CALN1: variants seen among roughly 807,000 people sequenced by gnomAD.
The protein encoded by CALN1 is calneuron 1.
CALN1 carries 17 observed loss-of-function variants against 30.6 expected under a neutral mutation model. The ratio of observed to expected loss-of-function variants is 0.56; its 90% CI spans 0.38 to 0.83. The LOEUF is 0.83. Among genes scored for constraint, CALN1 ranks in the 40% least tolerant of loss-of-function variants. The pLI is 0.00. For missense variants in CALN1, 291 were observed against 354.9 expected, an observed-to-expected ratio of 0.82 and a Z score of 1.45; for synonymous variants, 156 against 131.4, an observed-to-expected ratio of 1.19 and a Z score of -1.28.
intron 2 of CALN1, among the ~76,000 whole-genome samples, chr7:72,363,789 C>T (rs1489959872): frequency 7.1e-6 from 1 of 140,944 alleles, no homozygotes; most frequent in African/African-American, 2.7e-5. Flanking sequence ...TGCAGTGGCA[C>T]AATCTCGGGC....
chr7:71,977,932 TAA>T (rs59155068), intron 5 of CALN1, among the ~76,000 whole-genome samples: 2,168 of 118,632 alleles, frequency 0.018, 47 homozygotes, highest in African/African-American at 0.058. Context: ...ACTCTGTCTT[TAA>T]AAAAAAAAAA....
At chr7:72,469,226 T>G in the CALN1 span, among the ~76,000 whole-genome samples, 1 of 152,110 alleles carries the variant, frequency 6.6e-6, no homozygotes, top group Admixed American at 6.6e-5. Context: ...ATTTGGAGTT[T>G]TCTTGTTTGT....
At chr7:72,220,801 G>A (rs1408807677) in intron 3 of CALN1, among the ~76,000 whole-genome samples, 2 of 152,184 alleles carry the variant, frequency 1.3e-5, no homozygotes, top group African/African-American at 2.4e-5. Context: ...CAGTGATGAT[G>A]AGCATTTTTT....
chr7:72,473,941 A>G, the CALN1 span, among the ~76,000 whole-genome samples: 2 of 149,830 alleles, frequency 1.3e-5, no homozygotes, highest in Non-Finnish European at 3.0e-5. Context: ...AAAAAAAAAA[A>G]AGAAAGAAAG....
chr7:72,453,993 A>AATATATATAT, the CALN1 span, among the ~76,000 whole-genome samples: 1 of 148,138 alleles, frequency 6.8e-6, no homozygotes, highest in African/African-American at 2.5e-5. Context: ...ACAACCAAAA[A>AATATATATAT]ATATATATAT....
chr7:71,806,121 G>C (rs1787595071), intron 6 of CALN1, among the ~76,000 whole-genome samples: 1 of 152,118 alleles, frequency 6.6e-6, no homozygotes, highest in Non-Finnish European at 1.5e-5. Flanking sequence ...CGTAGGTAAT[G>C]GGTTGATAGG....
At chr7:72,370,408 A>G (rs1473216086) in intron 2 of CALN1, among the ~76,000 whole-genome samples, 8 of 152,122 alleles carry the variant, frequency 5.3e-5, no homozygotes, top group African/African-American at 7.2e-5. Flanking sequence ...CATGTGATTG[A>G]CTTTGGGAGG....
chr7:72,398,425 G>A (rs973343137), intron 2 of CALN1, among the ~76,000 whole-genome samples: 20 of 152,178 alleles, frequency 1.3e-4, no homozygotes, highest in East Asian at 3.9e-4. Flanking sequence ...TTCAAAATAC[G>A]AAAAAACACT....
intron 3 of CALN1, among the ~76,000 whole-genome samples, chr7:72,222,196 A>G (rs1275254331): frequency 6.6e-6 from 1 of 152,028 alleles, no homozygotes; most frequent in Non-Finnish European, 1.5e-5. Flanking sequence ...CCTGCGCTCC[A>G]GTCTGGGTAA....
At chr7:71,951,462 G>A (rs867013016) in intron 5 of CALN1, among the ~76,000 whole-genome samples, 26 of 152,076 alleles carry the variant, frequency 1.7e-4, no homozygotes, top group African/African-American at 4.8e-4. Context: ...ATGATGGTGC[G>A]TGCCCGTAAT....
chr7:72,344,533 G>A (rs916173506), intron 2 of CALN1, among the ~76,000 whole-genome samples: 1 of 148,220 alleles, frequency 6.7e-6, no homozygotes, highest in Non-Finnish European at 1.5e-5. Flanking sequence ...TAACTCTGGA[G>A]AACAAGTATT....
intron 5 of CALN1, among the ~76,000 whole-genome samples, chr7:71,922,639 CAG>C (rs1479086837): frequency 2.2e-5 from 3 of 133,454 alleles, no homozygotes; most frequent in South Asian, 2.2e-4. Flanking sequence ...AAATATATAA[CAG>C]AATATATTAT....
At chr7:72,020,747 A>G (rs1800656893) in intron 5 of CALN1, among the ~76,000 whole-genome samples, 1 of 152,228 alleles carries the variant, frequency 6.6e-6, no homozygotes, top group Non-Finnish European at 1.5e-5. Context: ...TGAGCATTAT[A>G]GCATGTCTGA....
chr7:71,951,802 G>A (rs1268979194), intron 5 of CALN1, among the ~76,000 whole-genome samples: 1 of 152,108 alleles, frequency 6.6e-6, no homozygotes. Context: ...GGCTGGTTCT[G>A]GTTGGCTCAC....
At chr7:72,318,342 T>C (rs1054096056) in intron 2 of CALN1, among the ~76,000 whole-genome samples, 2 of 152,168 alleles carry the variant, frequency 1.3e-5, no homozygotes, top group Admixed American at 1.3e-4. Flanking sequence ...ACCTCTCCAA[T>C]AGTGTCTCAA....
chr7:71,833,052 T>G (rs1396422399), intron 5 of CALN1, among the ~76,000 whole-genome samples: 4 of 152,236 alleles, frequency 2.6e-5, no homozygotes, highest in Admixed American at 6.5e-5. Context: ...CTAGTCTTTC[T>G]GTCTGGAACA....
intron 5 of CALN1, among the ~76,000 whole-genome samples, chr7:71,867,655 G>A (rs551806044): frequency 2.0e-5 from 3 of 152,126 alleles, no homozygotes; most frequent in South Asian, 4.2e-4. Flanking sequence ...GGATGGTCTC[G>A]ATCTTTCGAC....
rs767853745 is a variant in CALN1 at position 72,106,263 on chromosome 7, C to A, written c.276G>T (p.Arg92=). ...GCTTGGAGATGAAGCCGTTCCCATC[C>A]CGGTCCAGAACCCGAAAGGCCTCTC... ...EIREAFRVLD[R]DGNGFISKQE... Residue 92 remains arginine, a synonymous_variant, in exon 4 of 7, where the codon CGG becomes CGT. Coordinates refer to ENST00000395275, the MANE Select transcript of CALN1 (RefSeq NM_031468.4). 1 of 1,614,076 alleles carries A rather than the reference C, an allele frequency of 6.2e-7. No homozygotes were observed.
intron 4 of CALN1, among the ~76,000 whole-genome samples, chr7:72,056,967 G>T (rs562283656): frequency 1.3e-5 from 2 of 152,094 alleles, no homozygotes; most frequent in East Asian, 3.9e-4. Context: ...TAAAAACAAG[G>T]TCTCACTCTG....
Sources: gnomAD v4.1 joint callset for allele counts (sites outside exome capture counted in the v4.1 genomes callset) on GRCh38, gnomAD v4.1.1 for gene constraint, MANE v1.5 for transcripts, NCBI Gene and HGNC (gene_info 2026-07-23, HGNC 2026-07-21) for gene names.